Variants in AGBL1 observed in about 807,000 individuals in gnomAD.
AGBL1 encodes cytosolic carboxypeptidase 4.
AGBL1 carries 130 observed loss-of-function variants against 118.9 expected under a neutral mutation model. The observed-to-expected ratio is 1.09, with a 90% CI of 0.95 to 1.26. AGBL1 has a LOEUF of 1.26. Among genes scored for constraint, AGBL1 ranks in the 50% most tolerant of loss-of-function variants. AGBL1 has a pLI of 0.00. For synonymous variants in AGBL1, 555 were observed against 478.9 expected (o/e 1.16, Z -2.08); for missense variants, 1,584 against 1,298.1 (o/e 1.22, Z -3.38).
chr15:86,221,089 C>T (rs12594485), intron 5 of AGBL1, among the ~76,000 whole-genome samples: 45,961 of 151,836 alleles, frequency 0.3, 7,130 homozygotes, highest in South Asian at 0.42. Flanking sequence ...TCCCAGCTAC[C>T]TGGGAGGCTG....
chr15:87,029,020 A>G lies in AGBL1; in HGVS notation c.*180A>G. The G allele has an allele frequency of 5.1e-6, 3 of 592,720 alleles. No homozygotes were observed. The South Asian group carries it at 8.1e-5, about 16-fold the overall frequency. The allele number at this position is 592,720 out of a possible 1,614,324, so 36.7% of individuals were successfully genotyped here. On this transcript the variant is annotated 3_prime_UTR_variant, in exon 25 of 25. Transcript: ENST00000441037. ...TACCTCCATAAGAAAACATAAGGAC[A>G]GGCAATCTTCATAAAAATAGACTCC...
At chr15:86,642,857 T>C (rs1435289279) in intron 21 of AGBL1, among the ~76,000 whole-genome samples, 1 of 152,198 alleles carries the variant, frequency 6.6e-6, no homozygotes, top group Non-Finnish European at 1.5e-5. Context: ...TTAGGAGGAC[T>C]ATTTTATTTT....
intron 18 of AGBL1, among the ~76,000 whole-genome samples, chr15:86,487,977 T>G (rs1425464423): frequency 6.6e-6 from 1 of 152,000 alleles, no homozygotes; most frequent in Non-Finnish European, 1.5e-5. Context: ...TTCTTCTCAA[T>G]GAGTGGGGTT....
At chr15:86,879,197 C>T (rs57116355) in intron 22 of AGBL1, among the ~76,000 whole-genome samples, 13,228 of 152,272 alleles carry the variant, frequency 0.087, 785 homozygotes, top group Admixed American at 0.19. Flanking sequence ...AAGAGAAGGA[C>T]TCCTTCCTCC....
At chr15:87,026,160 CTTAG>C (rs1295981794) in intron 24 of AGBL1, among the ~76,000 whole-genome samples, 3 of 151,812 alleles carry the variant, frequency 2.0e-5, no homozygotes, top group Non-Finnish European at 2.9e-5. Context: ...ATTGTTGGGA[CTTAG>C]TTAAACTAAA....
intron 6 of AGBL1, 91 bp downstream of exon 6, chr15:86,225,042 T>C: frequency 3.0e-6 from 4 of 1,350,124 alleles, no homozygotes; most frequent in Non-Finnish European, 3.1e-6. Flanking sequence ...TCTTTTTTTT[T>C]TTTTTTCATG....
At chr15:86,526,497 G>A (rs2083263465) in intron 19 of AGBL1, among the ~76,000 whole-genome samples, 1 of 144,896 alleles carries the variant, frequency 6.9e-6, no homozygotes, top group Admixed American at 7.0e-5. Context: ...AGTGGATGAA[G>A]AAAATGTGGC....
chr15:86,721,086 A>G (rs1473530730), intron 22 of AGBL1, among the ~76,000 whole-genome samples: 1 of 152,204 alleles, frequency 6.6e-6, no homozygotes, highest in Admixed American at 6.5e-5. Context: ...AGGAGCTGGT[A>G]CCATTCCTTC....
intron 17 of AGBL1, chr15:86,312,388 C>G (rs1054613972): frequency 2.0e-5 from 3 of 152,210 alleles, no homozygotes; most frequent in African/African-American, 7.2e-5. Flanking sequence ...ATTCCCTTCA[C>G]AAGAGAGATT....
intron 22 of AGBL1, among the ~76,000 whole-genome samples, chr15:86,692,239 G>T (rs953586464): frequency 1.3e-5 from 2 of 151,946 alleles, no homozygotes; most frequent in Non-Finnish European, 2.9e-5. Flanking sequence ...TGCCAGAATT[G>T]TTCTCGAATC....
chr15:86,318,696 A>ATTTTTTTTT (rs57988335), intron 17 of AGBL1, among the ~76,000 whole-genome samples: 2 of 81,950 alleles, frequency 2.4e-5, no homozygotes, highest in Admixed American at 1.6e-4. Flanking sequence ...TTGATCATAG[A>ATTTTTTTTT]TTTTTTTTTT....
At chr15:86,298,259 A>ATATATATGGTAAC (rs1555462944) in intron 17 of AGBL1, among the ~76,000 whole-genome samples, 2 of 96,076 alleles carry the variant, frequency 2.1e-5, no homozygotes, top group Non-Finnish European at 4.1e-5. Context: ...ATATATATAT[A>ATATATATGGTAAC]TATATATATA....
intron 19 of AGBL1, among the ~76,000 whole-genome samples, chr15:86,532,086 C>A (rs1304621566): frequency 6.6e-6 from 1 of 151,162 alleles, no homozygotes; most frequent in Non-Finnish European, 1.5e-5. Context: ...TCCTATTCAA[C>A]ATAGTGTTGG....
At chr15:86,726,876 C>A (rs1235180086) in intron 22 of AGBL1, among the ~76,000 whole-genome samples, 3 of 152,136 alleles carry the variant, frequency 2.0e-5, no homozygotes, top group African/African-American at 7.2e-5. Flanking sequence ...TCATCATTAT[C>A]ATTGGATACA....
chr15:86,695,609 C>G (rs896528538), intron 22 of AGBL1, among the ~76,000 whole-genome samples: 1 of 151,698 alleles, frequency 6.6e-6, no homozygotes, highest in Non-Finnish European at 1.5e-5. Context: ...CTGCTCTGGT[C>G]TTGGTTATTT....
intron 21 of AGBL1, among the ~76,000 whole-genome samples, chr15:86,600,487 C>CA (rs2084476355): frequency 1.3e-5 from 2 of 152,268 alleles, no homozygotes; most frequent in Admixed American, 1.3e-4. Flanking sequence ...TGCCATGTGG[C>CA]AACCTACCTG....
chr15:86,790,730 G>A (rs141777539), intron 22 of AGBL1, among the ~76,000 whole-genome samples: 147 of 152,004 alleles, frequency 9.7e-4, no homozygotes, highest in African/African-American at 3.4e-3. Context: ...TTCATCTTGT[G>A]TGCCTAAAAG....
chr15:86,564,444 T>A (rs1346468392), intron 21 of AGBL1, among the ~76,000 whole-genome samples: 1 of 152,248 alleles, frequency 6.6e-6, no homozygotes, highest in Non-Finnish European at 1.5e-5. Flanking sequence ...TCTTTAAGAA[T>A]GTTGAATGTT....
At chr15:86,101,588 T>A (rs548535507) in intron 1 of AGBL1, among the ~76,000 whole-genome samples, 7 of 152,124 alleles carry the variant, frequency 4.6e-5, no homozygotes, top group Non-Finnish European at 1.0e-4. Flanking sequence ...TGTTATGTCC[T>A]CTTGTTCAAC....
Sources: gnomAD v4.1 joint callset for allele counts (sites outside exome capture counted in the v4.1 genomes callset) on GRCh38, gnomAD v4.1.1 for gene constraint, MANE v1.5 for transcripts, NCBI Gene and HGNC (gene_info 2026-07-23, HGNC 2026-07-21) for gene names.